The following TLK1 variants were observed in gnomAD, a reference collection of about 807,000 sequenced individuals.
The protein encoded by TLK1 is serine/threonine-protein kinase tousled-like 1.
Under a neutral mutation model 105.3 loss-of-function variants are expected in TLK1, and 24 were observed. The ratio of observed to expected loss-of-function variants is 0.23; its 90% CI spans 0.17 to 0.32. The LOEUF (loss-of-function observed/expected upper bound fraction) is 0.32, where lower values mean the gene tolerates loss of function less well. Ranked by LOEUF, TLK1 falls within the 10% of genes least tolerant of loss-of-function variation. The pLI, the probability that TLK1 is intolerant of heterozygous loss-of-function variation, is 1.00. For synonymous variants in TLK1, 321 were observed against 310.4 expected, an observed-to-expected ratio of 1.03 and a Z score of -0.36; for missense variants, 558 against 910.5, an observed-to-expected ratio of 0.61 and a Z score of 4.98.
intron 1 of TLK1, among the ~76,000 whole-genome samples, chr2:171,211,706 C>T (rs1203161572): frequency 1.3e-5 from 2 of 151,906 alleles, no homozygotes; most frequent in Non-Finnish European, 2.9e-5. Context: ...CACCCCACCA[C>T]GCCAGGCTAA....
intron 1 of TLK1, among the ~76,000 whole-genome samples, chr2:171,184,322 G>A (rs1281462504): frequency 6.6e-6 from 1 of 152,134 alleles, no homozygotes; most frequent in African/African-American, 2.4e-5. Flanking sequence ...TATTGTTTAA[G>A]CCATCAAGTT....
intron 2 of TLK1, among the ~76,000 whole-genome samples, chr2:171,090,043 G>A (rs1297419990): frequency 6.6e-6 from 1 of 152,164 alleles, no homozygotes; most frequent in African/African-American, 2.4e-5. Context: ...AATCGATTTA[G>A]TAAGAACTGA....
At chr2:171,162,051 T>C (rs965512362), upstream of TLK1, among the ~76,000 whole-genome samples, 2 of 152,238 alleles carry the variant, frequency 1.3e-5, no homozygotes, top group South Asian at 2.1e-4. Context: ...CTCATAGTAA[T>C]GTTTTGTTCA....
rs1268117495 is a variant in TLK1, at chr2:170,993,181, T to C, written c.*599A>G. On this transcript the variant is annotated 3_prime_UTR_variant, in exon 21 of 21. Transcript: ENST00000431350. ...CGGACATGTGATCTCGAGGTACAAC[T>C]TGGTAAAAGTCTGAATAGGCAAATG... 2 of 152,586 alleles carry C rather than the reference T, an allele frequency of 1.3e-5. No individual in the cohort carries two copies. Among genetic ancestry groups the C allele is most frequent in the Non-Finnish European group, 2.9e-5 (2 of 68,012 alleles). The allele number at this position is 152,586 out of a possible 1,614,324, so 9.5% of individuals were successfully genotyped here.
chr2:171,142,731 C>G (rs973020272), intron 1 of TLK1, among the ~76,000 whole-genome samples: 16 of 152,292 alleles, frequency 1.1e-4, no homozygotes, highest in African/African-American at 3.8e-4. Context: ...CAGTAAAAAT[C>G]TGAAACAGAA....
chr2:171,198,507 G>A (rs1049352351), intron 1 of TLK1, among the ~76,000 whole-genome samples: 1 of 152,216 alleles, frequency 6.6e-6, no homozygotes, highest in African/African-American at 2.4e-5. Flanking sequence ...AGGAATGAAT[G>A]TGACAAAGTA....
intron 2 of TLK1, 55 bp downstream of exon 2, chr2:171,117,684 T>G: frequency 1.4e-6 from 2 of 1,388,720 alleles, no homozygotes; most frequent in South Asian, 2.4e-5. Flanking sequence ...ACATACTATT[T>G]TAGATCATTT....
Position 171,185,169 on chromosome 2 carries a change from T to C in TLK1, c.-6+45976A>G, listed in dbSNP as rs536138119. ...CTATGTTTTAATCACTGTTACTTTA[T>C]GTTTTTAAATGTCTTGAATCATCCC... On this transcript the variant is annotated intron_variant, in intron 1 of 20. Transcript: ENST00000521943. 1.4e-4 allele frequency among the ~76,000 whole-genome samples: 21 copies of C among 152,316 alleles called. No homozygotes were observed. In the Middle Eastern group the frequency reaches 0.01, roughly 74 times the overall value.
chr2:171,013,255 C>T (rs1025160861), intron 13 of TLK1, among the ~76,000 whole-genome samples: 1 of 151,456 alleles, frequency 6.6e-6, no homozygotes, highest in Admixed American at 6.6e-5. Flanking sequence ...TCAAGAGATC[C>T]GCCCACCTCA....
intron 1 of TLK1, among the ~76,000 whole-genome samples, chr2:171,177,710 A>G (rs1033674483): frequency 6.6e-6 from 1 of 152,220 alleles, no homozygotes; most frequent in Non-Finnish European, 1.5e-5. Flanking sequence ...CCCCAAAAGG[A>G]TATGGGAGCA....
intron 18 of TLK1, among the ~76,000 whole-genome samples, chr2:171,000,640 T>A (rs1684319397): frequency 6.6e-6 from 1 of 152,078 alleles, no homozygotes; most frequent in African/African-American, 2.4e-5. Context: ...GGGTTAGTTT[T>A]GCTGTCTCAG....
chr2:170,994,623 A>G, intron 20 of TLK1: 3 of 506,916 alleles, frequency 5.9e-6, no homozygotes, highest in Non-Finnish European at 1.2e-5. Context: ...AAGTAAATAC[A>G]TCTATGTAAC....
intron 18 of TLK1, among the ~76,000 whole-genome samples, chr2:171,001,270 G>A (rs1575500515): frequency 6.6e-6 from 1 of 152,144 alleles, no homozygotes; most frequent in African/African-American, 2.4e-5. Context: ...AGTATCATGT[G>A]TAACGAGCCT....
At chr2:171,114,594 G>A (rs1002030309) in intron 2 of TLK1, among the ~76,000 whole-genome samples, 1 of 152,188 alleles carries the variant, frequency 6.6e-6, no homozygotes, top group African/African-American at 2.4e-5. Context: ...CAACACTTTG[G>A]GAGGCCGAGG....
intron 11 of TLK1, among the ~76,000 whole-genome samples, chr2:171,035,464 T>C (rs1686281830): frequency 6.6e-6 from 1 of 152,194 alleles, no homozygotes; most frequent in East Asian, 1.9e-4. Flanking sequence ...CACGCGGAAC[T>C]GTTAAGTCCA....
chr2:171,005,022 C>T (rs1200470103), intron 18 of TLK1, among the ~76,000 whole-genome samples: 1 of 152,174 alleles, frequency 6.6e-6, no homozygotes, highest in Non-Finnish European at 1.5e-5. Flanking sequence ...ACAGTGGCAT[C>T]GTGTGTAAGT....
At chr2:171,134,337 C>A (rs780143161) in intron 1 of TLK1, among the ~76,000 whole-genome samples, 1 of 152,056 alleles carries the variant, frequency 6.6e-6, no homozygotes, top group Non-Finnish European at 1.5e-5. Flanking sequence ...CTCATTCTTG[C>A]AATATATTAC....
chr2:171,080,920 G>C (rs1310669238), intron 3 of TLK1, among the ~76,000 whole-genome samples: 3 of 152,016 alleles, frequency 2.0e-5, no homozygotes, highest in Admixed American at 2.0e-4. Flanking sequence ...TGTTGCCCAG[G>C]CTGGTCTCGA....
chr2:171,227,568 CT>C (rs71401413), intron 1 of TLK1, among the ~76,000 whole-genome samples: 78 of 55,486 alleles, frequency 1.4e-3, no homozygotes, highest in African/African-American at 4.5e-3. Context: ...AGTAAATCTC[CT>C]TTTTTTTTTT....
Sources: gnomAD v4.1 joint callset for allele counts (sites outside exome capture counted in the v4.1 genomes callset) on GRCh38, gnomAD v4.1.1 for gene constraint, MANE v1.5 for transcripts, NCBI Gene and HGNC (gene_info 2026-07-23, HGNC 2026-07-21) for gene names.